The following CALN1 variants were observed in gnomAD, a reference collection of about 807,000 sequenced individuals.
The protein encoded by CALN1 is calcium-binding protein 8.
In CALN1, 17 loss-of-function variants were observed where a neutral mutation model predicts 30.6. The observed-to-expected ratio is 0.56, with a 90% CI of 0.38 to 0.83. CALN1 has a LOEUF of 0.83. Among genes scored for constraint, CALN1 ranks in the 40% least tolerant of loss-of-function variants. The pLI is 0.00. For missense variants in CALN1, 291 were observed against 354.9 expected (o/e 0.82, Z 1.45); for synonymous variants, 156 against 131.4 (o/e 1.19, Z -1.28).
At position 72,149,608 on chromosome 7, in the gene CALN1, C is replaced by T. The variant is rs201003735; in HGVS notation, c.245-43314G>A. Among the ~76,000 whole-genome samples the T allele has an allele frequency of 4.7e-4, 72 of 152,304 alleles. No homozygotes were observed. The East Asian group carries it at 0.01, about 21-fold the overall frequency. On this transcript the variant is annotated intron_variant, in intron 3 of 6. Transcript: ENST00000395275. ...CTCACCTTTCCCACCCTCCCCTCAC[C>T]GTTCCCCACACTTTAGACCATGCTG...
chr7:72,305,140 A>G (rs569530635), intron 2 of CALN1, among the ~76,000 whole-genome samples: 14 of 152,190 alleles, frequency 9.2e-5, no homozygotes, highest in Non-Finnish European at 1.8e-4. Flanking sequence ...CAGCCAGGAC[A>G]GACATGTGCC....
intron 5 of CALN1, among the ~76,000 whole-genome samples, chr7:71,835,870 AT>A (rs1391459843): frequency 4.6e-5 from 7 of 152,202 alleles, no homozygotes; most frequent in African/African-American, 1.7e-4. Context: ...GAATCATTAT[AT>A]GTGGGGACAG....
At chr7:72,257,452 T>TA (rs112806375) in intron 3 of CALN1, among the ~76,000 whole-genome samples, 28,511 of 151,128 alleles carry the variant, frequency 0.19, 3,699 homozygotes, top group East Asian at 0.43. Flanking sequence ...ATTTTAAAAA[T>TA]AAAAAAAAAT....
chr7:72,134,911 T>C (rs559940571), intron 3 of CALN1, among the ~76,000 whole-genome samples: 2 of 152,352 alleles, frequency 1.3e-5, no homozygotes, highest in Admixed American at 6.5e-5. Context: ...ATGTAAAGAA[T>C]ATGCTGATGG....
the CALN1 span, among the ~76,000 whole-genome samples, chr7:72,493,381 C>T: frequency 6.6e-6 from 1 of 151,920 alleles, no homozygotes; most frequent in Non-Finnish European, 1.5e-5. Context: ...CTCTGTCACC[C>T]GGGCTGGAGT....
At chr7:72,366,552 G>A (rs1465249600) in intron 2 of CALN1, among the ~76,000 whole-genome samples, 2 of 151,710 alleles carry the variant, frequency 1.3e-5, no homozygotes, top group Non-Finnish European at 2.9e-5. Context: ...AATTTTTAGT[G>A]CTGAATTCTG....
At chr7:72,015,866 C>T (rs977840992) in intron 5 of CALN1, among the ~76,000 whole-genome samples, 10 of 152,112 alleles carry the variant, frequency 6.6e-5, no homozygotes, top group Admixed American at 2.6e-4. Flanking sequence ...GGTAAGATCC[C>T]TGTGGGGAAT....
intron 3 of CALN1, among the ~76,000 whole-genome samples, chr7:72,225,431 C>T (rs931348389): frequency 1.3e-5 from 2 of 152,082 alleles, no homozygotes; most frequent in African/African-American, 2.4e-5. Context: ...AAAAGGGCCA[C>T]TTACAAAGAA....
At chr7:72,303,235 G>A (rs1799419241) in intron 2 of CALN1, among the ~76,000 whole-genome samples, 1 of 152,196 alleles carries the variant, frequency 6.6e-6, no homozygotes, top group Non-Finnish European at 1.5e-5. Context: ...TGAGAGCCCA[G>A]AAGACCACAG....
chr7:71,887,294 A>C (rs928424878), intron 5 of CALN1, among the ~76,000 whole-genome samples: 2 of 152,026 alleles, frequency 1.3e-5, no homozygotes, highest in Admixed American at 6.6e-5. Context: ...GCAAGTCCAT[A>C]ATTATGCTTT....
At chr7:72,143,299 A>G (rs1460779350) in intron 3 of CALN1, among the ~76,000 whole-genome samples, 1 of 152,222 alleles carries the variant, frequency 6.6e-6, no homozygotes, top group African/African-American at 2.4e-5. Flanking sequence ...TGGAGCTGAA[A>G]ACCATGGCAC....
chr7:72,228,152 T>G (rs929435660), intron 3 of CALN1, among the ~76,000 whole-genome samples: 1 of 152,010 alleles, frequency 6.6e-6, no homozygotes. Flanking sequence ...TAACGGGGAC[T>G]GGGCTTGTCA....
At chr7:72,424,811 G>A (rs746089408) in intron 1 of CALN1, among the ~76,000 whole-genome samples, 1 of 151,998 alleles carries the variant, frequency 6.6e-6, no homozygotes, top group Non-Finnish European at 1.5e-5. Context: ...TGACCAGACT[G>A]GTCTTAAGCC....
At chr7:72,385,951 T>A (rs990224178) in intron 2 of CALN1, among the ~76,000 whole-genome samples, 1 of 152,204 alleles carries the variant, frequency 6.6e-6, no homozygotes, top group African/African-American at 2.4e-5. Flanking sequence ...TAAAAACAAC[T>A]AATACAAATT....
chr7:72,028,447 T>C (rs903611994), intron 4 of CALN1, among the ~76,000 whole-genome samples: 5 of 152,196 alleles, frequency 3.3e-5, no homozygotes, highest in Non-Finnish European at 7.3e-5. Flanking sequence ...ATGATGCTTC[T>C]GAAACACATC....
intron 5 of CALN1, among the ~76,000 whole-genome samples, chr7:71,860,643 A>G (rs546694206): frequency 6.6e-6 from 1 of 152,324 alleles, no homozygotes; most frequent in South Asian, 2.1e-4. Context: ...ACTAATAGTT[A>G]TGACATGCCC....
chr7:72,446,672 C>G (rs2129564612), intron 1 of CALN1, among the ~76,000 whole-genome samples: 1 of 152,262 alleles, frequency 6.6e-6, no homozygotes, highest in African/African-American at 2.4e-5. Context: ...CAAGTCGAGT[C>G]AGGGTTATGC....
chr7:71,970,691 C>T (rs577294753), intron 5 of CALN1, among the ~76,000 whole-genome samples: 10 of 152,072 alleles, frequency 6.6e-5, no homozygotes, highest in African/African-American at 1.4e-4. Context: ...TTCGTCCCCG[C>T]GCTTTAACAC....
chr7:72,363,994 C>CAA (rs1256729991), intron 2 of CALN1, among the ~76,000 whole-genome samples: 1 of 151,716 alleles, frequency 6.6e-6, no homozygotes, highest in Non-Finnish European at 1.5e-5. Flanking sequence ...CTCAGTCTCT[C>CAA]AAAGTGTTGG....
Sources: allele counts gnomAD v4.1 joint callset (sites outside exome capture counted in the v4.1 genomes callset), GRCh38; gene constraint gnomAD v4.1.1; transcripts MANE v1.5; gene names NCBI Gene and HGNC (gene_info 2026-07-23, HGNC 2026-07-21).